ZNF714: variants seen among roughly 807,000 people sequenced by gnomAD.
ZNF714 encodes zinc finger protein 714.
In ZNF714, 32 loss-of-function variants were observed where a neutral mutation model predicts 46.2. That is an observed-to-expected ratio of 0.69 (90% CI 0.52 to 0.93). ZNF714 has a LOEUF of 0.93. Ranked by LOEUF, ZNF714 falls within the 40% of genes least tolerant of loss-of-function variation. The pLI is 0.00. For missense variants in ZNF714, 635 were observed against 646.3 expected, an observed-to-expected ratio of 0.98 and a Z score of 0.19; for synonymous variants, 199 against 213.1, an observed-to-expected ratio of 0.93 and a Z score of 0.58.
At chr19:21,107,173 T>C (rs1327919665) in intron 4 of ZNF714, among the ~76,000 whole-genome samples, 1 of 152,190 alleles carries the variant, frequency 6.6e-6, no homozygotes, top group Non-Finnish European at 1.5e-5. Flanking sequence ...AATACCTCTT[T>C]GTTCTTTTTC....
intron 4 of ZNF714, among the ~76,000 whole-genome samples, chr19:21,102,531 T>A (rs1969205875): frequency 6.6e-6 from 1 of 152,352 alleles, no homozygotes; most frequent in East Asian, 1.9e-4. Flanking sequence ...TTAAGTTGGA[T>A]TACAGCAGTT....
At chr19:21,106,672 A>C (rs1969324834) in intron 4 of ZNF714, among the ~76,000 whole-genome samples, 1 of 151,998 alleles carries the variant, frequency 6.6e-6, no homozygotes, top group South Asian at 2.1e-4. Flanking sequence ...TGAAAAGATT[A>C]TCTCTTCTCT....
At chr19:21,083,217 G>A (rs1165469919) in intron 1 of ZNF714, among the ~76,000 whole-genome samples, 1 of 152,070 alleles carries the variant, frequency 6.6e-6, no homozygotes, top group Admixed American at 6.6e-5. Flanking sequence ...TGTGGTTTTA[G>A]TAGAGACGGG....
chr19:21,095,630 T>A (rs1028107198), intron 2 of ZNF714, among the ~76,000 whole-genome samples: 1 of 149,122 alleles, frequency 6.7e-6, no homozygotes, highest in Non-Finnish European at 1.5e-5. Context: ...ACCCAGCTAA[T>A]TTTTTTTTTG....
chr19:21,085,559 C>G (rs1393153546), intron 2 of ZNF714, among the ~76,000 whole-genome samples: 1 of 152,236 alleles, frequency 6.6e-6, no homozygotes, highest in East Asian at 1.9e-4. Context: ...TTTCAAAAAC[C>G]AAGTGAGTAA....
intron 4 of ZNF714, among the ~76,000 whole-genome samples, chr19:21,113,592 C>T (rs377115005): frequency 1.3e-5 from 2 of 151,506 alleles, no homozygotes; most frequent in East Asian, 1.9e-4. Flanking sequence ...CTGTAACCTC[C>T]ACCTCCCAGG....
Position 21,120,691 on chromosome 19 carries a change from C to T in ZNF714, c.*2359C>T, listed in dbSNP as rs1599558099. The T allele has an allele frequency of 1.3e-5, 2 of 152,062 alleles. No individual in the cohort carries two copies. The highest frequency in any genetic ancestry group is 3.9e-4 in the East Asian group (2 of 5,178). The allele number at this position is 152,062 out of a possible 1,614,324, so 9.4% of individuals were successfully genotyped here. A position where few individuals can be genotyped will look rare whatever the true frequency, so the allele number is the denominator to read the frequency against. ...TTATACCACAAACTTTACCCTGTTC[C>T]ACCTTACTGAAGGGTATAGGTAAAA... On this transcript the variant is annotated 3_prime_UTR_variant, in exon 5 of 5. Coordinates refer to ENST00000456283, the MANE Select transcript of ZNF714 (RefSeq NM_182515.4).
At chr19:21,084,268 A>G (rs1288441145) in intron 2 of ZNF714, among the ~76,000 whole-genome samples, 199 bp downstream of exon 2, 1 of 149,962 alleles carries the variant, frequency 6.7e-6, no homozygotes, top group Non-Finnish European at 1.5e-5. Flanking sequence ...CAAAAAACAC[A>G]AAAAACCTGA....
In ZNF714 at chr19:21,095,439, A is replaced by G. The variant is rs189138572; in HGVS notation, c.-84-2746A>G. On this transcript the variant is annotated intron_variant, in intron 2 of 4. Coordinates refer to ENST00000456283, the MANE Select transcript of ZNF714 (RefSeq NM_182515.4). ...GCTCAGGGCCTTCACAGCCTCCATA[A>G]TGGTGATGGCCCCCTGGTGTTCCAT... 3.3e-4 allele frequency among the ~76,000 whole-genome samples: 50 copies of G among 150,236 alleles called. 1 individual carries two copies. The East Asian group carries it at 9.4e-3, about 28-fold the overall frequency.
chr19:21,096,194 C>T (rs750785991), intron 2 of ZNF714, among the ~76,000 whole-genome samples: 2 of 152,074 alleles, frequency 1.3e-5, no homozygotes, highest in Non-Finnish European at 2.9e-5. Context: ...TTTTTATTTC[C>T]GTGGAGCAAC....
chr19:21,115,372 AATT>A (rs1288280388), intron 4 of ZNF714, among the ~76,000 whole-genome samples: 1 of 151,936 alleles, frequency 6.6e-6, no homozygotes, highest in East Asian at 1.9e-4. Flanking sequence ...TATATGATAA[AATT>A]ATTATTTATA....
At chr19:21,090,760 TAA>T (rs766866468) in intron 2 of ZNF714, among the ~76,000 whole-genome samples, 20 of 151,088 alleles carry the variant, frequency 1.3e-4, no homozygotes, top group Non-Finnish European at 2.4e-4. Flanking sequence ...AGTAAAGCAA[TAA>T]AAGAGTGACT....
intron 4 of ZNF714, among the ~76,000 whole-genome samples, chr19:21,111,408 A>G (rs893831043): frequency 6.6e-6 from 1 of 152,032 alleles, no homozygotes; most frequent in Non-Finnish European, 1.5e-5. Flanking sequence ...TGATTTTTGC[A>G]CATTGATTTT....
intron 4 of ZNF714, among the ~76,000 whole-genome samples, chr19:21,105,169 T>C (rs2144855856): frequency 6.6e-6 from 1 of 151,758 alleles, no homozygotes; most frequent in South Asian, 2.1e-4. Context: ...TCAGTAGCTA[T>C]AGGTGCCTAC....
intron 4 of ZNF714, among the ~76,000 whole-genome samples, chr19:21,106,097 A>G (rs1255181961): frequency 6.6e-6 from 1 of 151,884 alleles, no homozygotes; most frequent in Admixed American, 6.6e-5. Context: ...CTACTAAAAA[A>G]TACAAAACTT....
rs371673567 is a variant in ZNF714, at chr19:21,098,876, T to C, written c.108T>C (p.Asn36=). ...TSLEQEKEPW[N]MKICEMVDES... is the part of the protein sequence containing the mutation. ...TAGAGCAAGAAAAAGAGCCCTGGAA[T>C]ATGAAGATATGTGAGATGGTGGATG... is the stretch of plus-strand genomic sequence containing the variant. Residue 36 remains asparagine, a synonymous_variant, in exon 4 of 5, where the codon AAT becomes AAC. Coordinates refer to ENST00000456283, the MANE Select transcript of ZNF714 (RefSeq NM_182515.4). 1.8e-4 allele frequency: 285 copies of C among 1,610,348 alleles called. 1 individual carries two copies. The Middle Eastern group carries it at 1.8e-3, about 10-fold the overall frequency.
At chr19:21,103,775 G>C (rs1456524395) in intron 4 of ZNF714, among the ~76,000 whole-genome samples, 1 of 151,902 alleles carries the variant, frequency 6.6e-6, no homozygotes, top group Non-Finnish European at 1.5e-5. Flanking sequence ...GTGCACCTGT[G>C]GTCCCAGCTA....
Position 21,120,971 on chromosome 19 carries a change from C to G in ZNF714, c.*2639C>G, listed in dbSNP as rs1969693559. 6.6e-6 allele frequency: 1 copy of G among 152,138 alleles called. No homozygotes were observed. Among genetic ancestry groups the G allele is most frequent in the Admixed American group, 6.5e-5 (1 of 15,268 alleles). The allele number at this position is 152,138 out of a possible 1,614,324, so 9.4% of individuals were successfully genotyped here. On this transcript the variant is annotated 3_prime_UTR_variant, in exon 5 of 5. Transcript: ENST00000456283. ...TCAGGGTTAAGTGAGGCATCCTTCA[C>G]CCATAGCATTTCTCCTTTGTTTTAC...
At position 21,123,389 on chromosome 19, in the gene ZNF714, C is replaced by T. The variant is rs1287401973; in HGVS notation, c.*5057C>T. 1.3e-5 allele frequency among the ~76,000 whole-genome samples: 2 copies of T among 152,106 alleles called. No individual in the cohort carries two copies. The highest frequency in any genetic ancestry group is 2.9e-5 in the Non-Finnish European group (2 of 68,012). ...TATTTTTTAGAGACAGAGTCTTGCTCTGTCTCCCAGGCTAGAGTACAGTGG... is the reference window on the plus strand; with the variant it reads ...TATTTTTTAGAGACAGAGTCTTGCTTTGTCTCCCAGGCTAGAGTACAGTGG... On this transcript the variant is annotated 3_prime_UTR_variant, in exon 5 of 5. Transcript: ENST00000456283.
Sources: allele counts gnomAD v4.1 joint callset (sites outside exome capture counted in the v4.1 genomes callset), GRCh38; gene constraint gnomAD v4.1.1; transcripts MANE v1.5; gene names NCBI Gene and HGNC (gene_info 2026-07-23, HGNC 2026-07-21).